The following AATF variants were observed in gnomAD, a reference collection of about 807,000 sequenced individuals.
The protein encoded by AATF is apoptosis antagonizing transcription factor, also known as protein AATF.
Under a neutral mutation model 63.7 loss-of-function variants are expected in AATF, and 48 were observed. The ratio of observed to expected loss-of-function variants is 0.75; its 90% confidence interval spans 0.60 to 0.96. The LOEUF (loss-of-function observed/expected upper bound fraction) is 0.96, where lower values mean the gene tolerates loss of function less well. Ranked by LOEUF, AATF falls within the 40% of genes least tolerant of loss-of-function variation. The pLI is 0.00. For missense variants in AATF, 639 were observed against 685.7 expected (o/e 0.93, Z 0.76); for synonymous variants, 258 against 247.7 (o/e 1.04, Z -0.39).
intron 8 of AATF, among the ~76,000 whole-genome samples, chr17:37,015,764 A>T (rs966248348): frequency 2.0e-5 from 3 of 152,218 alleles, no homozygotes; most frequent in Non-Finnish European, 4.4e-5. Flanking sequence ...CTAGGAAATT[A>T]TAGAATGGGA....
intron 8 of AATF, among the ~76,000 whole-genome samples, chr17:37,014,828 C>T (rs1032075576): frequency 1.3e-5 from 2 of 151,964 alleles, no homozygotes; most frequent in African/African-American, 2.4e-5. Flanking sequence ...TATCTTTTTG[C>T]CTTTTGGCTT....
At chr17:37,037,012 T>G (rs12945992) in intron 11 of AATF, among the ~76,000 whole-genome samples, 5,043 of 148,266 alleles carry the variant, frequency 0.034, 250 homozygotes, top group African/African-American at 0.1. Context: ...ATCTTTTTGT[T>G]TTTTTTTTTT....
At chr17:36,967,488 GTTCC>G (rs1211673410) in intron 4 of AATF, among the ~76,000 whole-genome samples, 2 of 152,150 alleles carry the variant, frequency 1.3e-5, no homozygotes, top group African/African-American at 4.8e-5. Context: ...GCCAGTTGAT[GTTCC>G]TTAAGTCTCT....
At chr17:37,053,493 A>G (rs1408439515) in intron 11 of AATF, among the ~76,000 whole-genome samples, 2 of 152,228 alleles carry the variant, frequency 1.3e-5, no homozygotes, top group Non-Finnish European at 2.9e-5. Context: ...ACATTCAAGC[A>G]TGAAACCATT....
rs112171972 is a variant in AATF at position 36,952,895 on chromosome 17, T to C, written c.293T>C (p.Ile98Thr). The part of the protein sequence containing the change: ...QTLPGSSDEE[I>T]SDEEGSGDED... ...CCTCTCTTCTTTGTAGATGAGGAAATATCTGATGAGGAAGGGTCTGGAGAT... is the reference window on the plus strand; with the variant it reads ...CCTCTCTTCTTTGTAGATGAGGAAACATCTGATGAGGAAGGGTCTGGAGAT... Residue 98 changes from isoleucine to threonine, a missense_variant, in exon 3 of 12, where the codon ATA (isoleucine) becomes ACA (threonine). Transcript: ENST00000619387. 2.0e-3 allele frequency: 3,185 copies of C among 1,612,644 alleles called. 52 individuals carry two copies. In the African/African-American group the frequency reaches 0.038, roughly 19 times the overall value.
chr17:36,953,454 T>C (rs2070873565), intron 3 of AATF, among the ~76,000 whole-genome samples, 158 bp downstream of exon 3: 1 of 152,234 alleles, frequency 6.6e-6, no homozygotes, highest in East Asian at 1.9e-4. Flanking sequence ...TATTCCTGTA[T>C]GCTTAGCCAG....
intron 11 of AATF, among the ~76,000 whole-genome samples, chr17:37,043,924 CAG>C (rs1242248000): frequency 6.6e-6 from 1 of 152,140 alleles, no homozygotes; most frequent in Non-Finnish European, 1.5e-5. Context: ...TAACCCCTAA[CAG>C]ATAATTATTT....
rs377304799 is a variant in AATF, at chr17:36,953,916, A to G, written c.832+9A>G. 1.1e-5 allele frequency: 17 copies of G among 1,612,450 alleles called. No homozygotes were observed. Among genetic ancestry groups the G allele is most frequent in the African/African-American group, 1.3e-5 (1 of 74,756 alleles). On this transcript the variant is annotated intron_variant, in intron 4 of 11. Coordinates refer to ENST00000619387, the MANE Select transcript of AATF (RefSeq NM_012138.4). ...CAGTGCCCTGAAAAATAGTAAGAAT[A>G]CTTATGTCCTGTTGGAATACTTAGA...
At chr17:37,020,804 A>T (rs2071463168) in intron 9 of AATF, 130 bp from the exon 10 acceptor site, 1 of 696,580 alleles carries the variant, frequency 1.4e-6, no homozygotes, top group Non-Finnish European at 2.3e-6. Context: ...TTTGGCCCCA[A>T]ACTAGCTTGA....
In AATF at chr17:36,991,601, T is replaced by G. The variant is rs553750721; in HGVS notation, c.1398+744T>G. 2.7e-4 allele frequency among the ~76,000 whole-genome samples: 41 copies of G among 151,898 alleles called. No individual in the cohort carries two copies. In the South Asian group the frequency reaches 5.2e-3, roughly 19 times the overall value. On this transcript the variant is annotated intron_variant, in intron 8 of 11. Transcript: ENST00000619387. ...GATAAGTTATACTTTTTTTTTTTTT[T>G]TTGAGATGGAGTCTCGCTCTGTCAC...
intron 8 of AATF, among the ~76,000 whole-genome samples, chr17:37,013,290 G>T (rs930329126): frequency 1.3e-5 from 2 of 152,196 alleles, no homozygotes; most frequent in African/African-American, 2.4e-5. Context: ...CTGCTAGTAT[G>T]GCTGTCAGTC....
At chr17:37,043,411 C>G (rs2071660682) in intron 11 of AATF, among the ~76,000 whole-genome samples, 1 of 152,190 alleles carries the variant, frequency 6.6e-6, no homozygotes, top group African/African-American at 2.4e-5. Flanking sequence ...GGTCACCAGC[C>G]TTTCTAGGGA....
chr17:37,024,664 C>T (rs17139100), intron 10 of AATF, among the ~76,000 whole-genome samples: 41,370 of 152,034 alleles, frequency 0.27, 8,093 homozygotes, highest in African/African-American at 0.56. Context: ...ATGCACATTT[C>T]AGAAAGATAA....
intron 8 of AATF, among the ~76,000 whole-genome samples, chr17:37,017,567 A>G (rs966180114): frequency 6.6e-6 from 1 of 152,206 alleles, no homozygotes; most frequent in African/African-American, 2.4e-5. Flanking sequence ...TGGCTGCCAG[A>G]AAGATGTTGG....
At chr17:37,034,251 T>C (rs1051058799) in intron 11 of AATF, among the ~76,000 whole-genome samples, 1 of 152,192 alleles carries the variant, frequency 6.6e-6, no homozygotes, top group Admixed American at 6.5e-5. Flanking sequence ...AGATTAACTA[T>C]GGGTACAGTA....
chr17:37,048,036 T>C (rs1181713819), intron 11 of AATF, among the ~76,000 whole-genome samples: 1 of 152,218 alleles, frequency 6.6e-6, no homozygotes, highest in Non-Finnish European at 1.5e-5. Context: ...CTGCTTTCTT[T>C]CCCCTTTACC....
At chr17:37,001,408 GAA>G (rs774957327) in intron 8 of AATF, among the ~76,000 whole-genome samples, 10,569 of 94,012 alleles carry the variant, frequency 0.11, 1,893 homozygotes, top group African/African-American at 0.39. Flanking sequence ...AGGGAGGGAG[GAA>G]GGAAGGAAGG....
intron 4 of AATF, among the ~76,000 whole-genome samples, chr17:36,954,542 G>T (rs1477992092): frequency 3.3e-5 from 5 of 152,190 alleles, no homozygotes; most frequent in African/African-American, 1.2e-4. Context: ...GTGCTAAGAT[G>T]ATCTTATTTA....
intron 8 of AATF, among the ~76,000 whole-genome samples, chr17:36,997,552 A>G (rs1028316420): frequency 2.0e-5 from 3 of 152,252 alleles, no homozygotes; most frequent in Non-Finnish European, 2.9e-5. Context: ...AAGAATGGCC[A>G]TAATAAAAAA....
Sources: allele counts gnomAD v4.1 joint callset (sites outside exome capture counted in the v4.1 genomes callset), GRCh38; gene constraint gnomAD v4.1.1; transcripts MANE v1.5; gene names NCBI Gene and HGNC (gene_info 2026-07-23, HGNC 2026-07-21).